PLA2G4E: variants seen among roughly 807,000 people sequenced by gnomAD.
The protein encoded by PLA2G4E is phospholipase A2 group IVE.
In PLA2G4E, 84 loss-of-function variants were observed where a neutral mutation model predicts 109.1. The ratio of observed to expected loss-of-function variants is 0.77; its 90% CI spans 0.65 to 0.92. The LOEUF is 0.92. Among genes scored for constraint, PLA2G4E ranks in the 40% least tolerant of loss-of-function variants. PLA2G4E has a pLI of 0.00. For missense variants in PLA2G4E, 1,057 were observed against 1,076.6 expected (o/e 0.98, Z 0.25); for synonymous variants, 469 against 436.1 (o/e 1.08, Z -0.94).
At chr15:42,000,824 TTCGGGTGCTGACCACC>T (rs1444933624) in intron 7 of PLA2G4E, among the ~76,000 whole-genome samples, 1 of 152,170 alleles carries the variant, frequency 6.6e-6, no homozygotes, top group African/African-American at 2.4e-5. Context: ...GGTCCTGGGC[TTCGGGTGCTGACCACC>T]TCACTGACCT....
chr15:41,992,234 T>G (rs962094782), intron 13 of PLA2G4E, among the ~76,000 whole-genome samples: 2 of 152,126 alleles, frequency 1.3e-5, no homozygotes, highest in Admixed American at 1.3e-4. Context: ...GCACTTCCTG[T>G]GACTGAGTGG....
chr15:42,036,288 G>A (rs1723002112), intron 1 of PLA2G4E, among the ~76,000 whole-genome samples: 2 of 152,126 alleles, frequency 1.3e-5, no homozygotes, highest in Non-Finnish European at 1.5e-5. Flanking sequence ...GAGGAGCAGC[G>A]CAGCTGGGGA....
At chr15:41,997,305 C>T in intron 10 of PLA2G4E, 46 bp from the exon 11 acceptor site, 1 of 1,489,960 alleles carries the variant, frequency 6.7e-7, no homozygotes, top group Non-Finnish European at 9.0e-7. Context: ...CCTCTACCTC[C>T]CTGGAGTAGA....
At chr15:42,025,785 C>T (rs1200713139) in intron 1 of PLA2G4E, among the ~76,000 whole-genome samples, 1 of 152,180 alleles carries the variant, frequency 6.6e-6, no homozygotes, top group Non-Finnish European at 1.5e-5. Flanking sequence ...GATGACGGTG[C>T]TCCTGCTCTG....
rs138450732 is a variant in PLA2G4E, at chr15:42,011,590, T to C, written c.256+2095A>G. On this transcript the variant is annotated intron_variant, in intron 2 of 19. Transcript: ENST00000399518. ...TTTTTTTTTTTTAAAGTTAGCCAGGTGTGGTGGCCCATGCCTGTAGTCCCA... is the reference window on the plus strand; with the variant it reads ...TTTTTTTTTTTTAAAGTTAGCCAGGCGTGGTGGCCCATGCCTGTAGTCCCA... Among the ~76,000 whole-genome samples the C allele has an allele frequency of 2.8e-3, 426 of 151,680 alleles. 1 individual carries two copies. The highest frequency in any genetic ancestry group is 0.01 in the African/African-American group (419 of 41,312).
intron 1 of PLA2G4E, among the ~76,000 whole-genome samples, chr15:42,026,123 T>G (rs1238392677): frequency 6.6e-6 from 1 of 152,086 alleles, no homozygotes; most frequent in South Asian, 2.1e-4. Context: ...TTAATAAATA[T>G]TCATGCATAA....
intron 1 of PLA2G4E, among the ~76,000 whole-genome samples, chr15:42,047,703 T>C (rs1358227585): frequency 1.3e-5 from 2 of 152,178 alleles, no homozygotes; most frequent in Admixed American, 6.5e-5. Context: ...TTCATACATA[T>C]ATACACACCC....
chr15:41,995,649 C>A (rs1228245045), intron 11 of PLA2G4E, among the ~76,000 whole-genome samples, 153 bp from the exon 12 acceptor site: 3 of 152,214 alleles, frequency 2.0e-5, no homozygotes, highest in African/African-American at 7.2e-5. Context: ...TGACACCTGC[C>A]TTTCCACAGA....
rs529180263 is a variant in PLA2G4E, at chr15:42,012,203, A to G, written c.256+1482T>C. Among the ~76,000 whole-genome samples, 4 of 152,208 alleles carry G rather than the reference A, an allele frequency of 2.6e-5. No individual in the cohort carries two copies. In the East Asian group the frequency reaches 5.8e-4, roughly 22 times the overall value. ...TGCATTGGAGTGACAGCTTCCTACA[A>G]GTTCCCAGACTCTCCGCACCTGCAC... On this transcript the variant is annotated intron_variant, in intron 2 of 19. Transcript: ENST00000399518.
chr15:41,992,608 G>T, intron 13 of PLA2G4E, 129 bp downstream of exon 13: 1 of 876,156 alleles, frequency 1.1e-6, no homozygotes. Context: ...CGGTCTTCCA[G>T]CCCAAGGATA....
chr15:42,010,142 C>CCCGCG, intron 2 of PLA2G4E: 2 of 454,254 alleles, frequency 4.4e-6, no homozygotes, highest in South Asian at 1.9e-5. Flanking sequence ...GCCCCCCCAC[C>CCCGCG]CCGGGCCTGG....
chr15:41,990,258 A>T, intron 13 of PLA2G4E, 23 bp from the exon 14 acceptor site: 1 of 1,606,254 alleles, frequency 6.2e-7, no homozygotes, highest in South Asian at 1.1e-5. Flanking sequence ...AAAATGGTTA[A>T]AGAGAAGCAG....
At chr15:42,002,060 A>C (rs567327563) in intron 6 of PLA2G4E, among the ~76,000 whole-genome samples, 1 of 152,280 alleles carries the variant, frequency 6.6e-6, no homozygotes, top group Admixed American at 6.5e-5. Flanking sequence ...CTGTAATCCC[A>C]GTACTTTGGG....
intron 1 of PLA2G4E, among the ~76,000 whole-genome samples, chr15:42,016,911 G>A (rs1005338399): frequency 1.3e-5 from 2 of 152,254 alleles, no homozygotes; most frequent in Admixed American, 6.5e-5. Context: ...TTCTGATGCT[G>A]GAGACACAGC....
chr15:42,013,365 C>G (rs772110551), intron 2 of PLA2G4E, among the ~76,000 whole-genome samples: 88 of 152,270 alleles, frequency 5.8e-4, no homozygotes, highest in South Asian at 2.9e-3. Flanking sequence ...AAATCGATTC[C>G]AGGAAGAGAG....
chr15:42,015,609 G>A lies in PLA2G4E; in HGVS notation c.184-1852C>T, dbSNP rs1027226443. Among the ~76,000 whole-genome samples, 3 of 152,336 alleles carry A rather than the reference G, an allele frequency of 2.0e-5. No homozygotes were observed. In the East Asian group the frequency reaches 5.8e-4, roughly 29 times the overall value. ...TGCCAGGCCCTATGCTAGATGCTGGGGGGCCAGGGGTGAATACTAGGCAGA... is the reference window on the plus strand; with the variant it reads ...TGCCAGGCCCTATGCTAGATGCTGGAGGGCCAGGGGTGAATACTAGGCAGA... On this transcript the variant is annotated intron_variant, in intron 1 of 19. Coordinates refer to ENST00000399518, the Ensembl canonical transcript of PLA2G4E.
At chr15:42,022,810 G>T (rs548774457) in intron 1 of PLA2G4E, among the ~76,000 whole-genome samples, 2 of 152,176 alleles carry the variant, frequency 1.3e-5, no homozygotes, top group Non-Finnish European at 2.9e-5. Context: ...GTGGCCAGGG[G>T]GTTGGGGGCC....
At chr15:41,995,456 C>T (rs2068323366) in exon 12 of PLA2G4E, 3 of 1,613,864 alleles carry the variant, frequency 1.9e-6, no homozygotes, top group South Asian at 2.2e-5. Context: ...GGTCATGGAT[C>T]TTGTTCCACC....
At chr15:42,002,062 T>C (rs148409776) in intron 6 of PLA2G4E, among the ~76,000 whole-genome samples, 4,522 of 152,054 alleles carry the variant, frequency 0.03, 220 homozygotes, top group African/African-American at 0.1. Context: ...GTAATCCCAG[T>C]ACTTTGGGAG....
Sources: allele counts gnomAD v4.1 joint callset (sites outside exome capture counted in the v4.1 genomes callset), GRCh38; gene constraint gnomAD v4.1.1; transcripts MANE v1.5; gene names NCBI Gene and HGNC (gene_info 2026-07-23, HGNC 2026-07-21).